Variants in PDGFC observed in about 807,000 individuals in gnomAD.
The protein encoded by PDGFC is platelet-derived growth factor C.
A neutral mutation model predicts 35.5 loss-of-function variants in PDGFC; 12 were observed. That is an observed-to-expected ratio of 0.34 (90% CI 0.22 to 0.55). The LOEUF (loss-of-function observed/expected upper bound fraction) is 0.55. PDGFC is among the 20% of genes least tolerant of loss of function. The pLI is 0.91. For missense variants in PDGFC, 322 were observed against 412.4 expected (o/e 0.78, Z 1.90); for synonymous variants, 159 against 148.8 (o/e 1.07, Z -0.50).
At chr4:156,835,633 A>T (rs1729044882) in intron 2 of PDGFC, among the ~76,000 whole-genome samples, 1 of 152,172 alleles carries the variant, frequency 6.6e-6, no homozygotes, top group Non-Finnish European at 1.5e-5. Context: ...ACCCAATCCC[A>T]TTATATTTTA....
chr4:156,897,237 TTTTC>T (rs769857354), intron 1 of PDGFC, among the ~76,000 whole-genome samples: 4 of 152,058 alleles, frequency 2.6e-5, no homozygotes, highest in Non-Finnish European at 5.9e-5. Flanking sequence ...TAAAGTTGGG[TTTTC>T]TTTAATAATT....
chr4:156,823,970 C>A (rs528673645), intron 2 of PDGFC, among the ~76,000 whole-genome samples: 1 of 151,808 alleles, frequency 6.6e-6, no homozygotes, highest in Admixed American at 6.6e-5. Flanking sequence ...GTGCAATAAG[C>A]CAGCCACAGA....
At chr4:156,843,297 C>T (rs1035243905) in intron 2 of PDGFC, among the ~76,000 whole-genome samples, 1 of 152,142 alleles carries the variant, frequency 6.6e-6, no homozygotes, top group South Asian at 2.1e-4. Flanking sequence ...TCTGCTGGTG[C>T]CTTGATCTTG....
chr4:156,957,898 T>A (rs1165333500), intron 1 of PDGFC, among the ~76,000 whole-genome samples: 2 of 151,954 alleles, frequency 1.3e-5, no homozygotes, highest in Non-Finnish European at 2.9e-5. Context: ...TTACTGCGCA[T>A]ATCTACTCAC....
chr4:156,883,628 T>C (rs1267819907), intron 1 of PDGFC, among the ~76,000 whole-genome samples: 2 of 152,218 alleles, frequency 1.3e-5, no homozygotes, highest in Admixed American at 1.3e-4. Flanking sequence ...CCAGTGACCA[T>C]TTACTACTAT....
chr4:156,826,195 T>A (rs893269960), intron 2 of PDGFC, among the ~76,000 whole-genome samples: 2 of 122,194 alleles, frequency 1.6e-5, no homozygotes, highest in Non-Finnish European at 3.4e-5. Context: ...TTTTTTTTTT[T>A]TTTTTTTTTT....
chr4:156,889,193 C>T (rs1460178318), intron 1 of PDGFC, among the ~76,000 whole-genome samples: 2 of 152,172 alleles, frequency 1.3e-5, no homozygotes, highest in East Asian at 3.8e-4. Context: ...TAACACTATG[C>T]ACATTATTAT....
intron 5 of PDGFC, among the ~76,000 whole-genome samples, chr4:156,766,141 C>A (rs1054119164): frequency 1.3e-5 from 2 of 152,058 alleles, no homozygotes; most frequent in Non-Finnish European, 2.9e-5. Flanking sequence ...GAAAAATAGA[C>A]AATAATTTTG....
At chr4:156,926,891 AC>A (rs965979848) in intron 1 of PDGFC, among the ~76,000 whole-genome samples, 1 of 151,956 alleles carries the variant, frequency 6.6e-6, no homozygotes, top group Admixed American at 6.6e-5. Flanking sequence ...GGGGGCTCTG[AC>A]CCCACATTTC....
chr4:156,774,793 A>C (rs2110824836), intron 3 of PDGFC, among the ~76,000 whole-genome samples: 1 of 152,002 alleles, frequency 6.6e-6, no homozygotes. Context: ...GTACTTTCCA[A>C]GTCTCCACTC....
intron 2 of PDGFC, among the ~76,000 whole-genome samples, chr4:156,818,940 G>A (rs1579029893): frequency 2.0e-5 from 3 of 152,136 alleles, no homozygotes; most frequent in Admixed American, 2.0e-4. Context: ...AGAGGGAGAG[G>A]ACCTTGCCAC....
In PDGFC at chr4:156,767,799, T is replaced by C. The variant is rs1430978881; in HGVS notation, c.895A>G (p.Ser299Gly). Residue 299 changes from serine (S) to glycine (G), a missense_variant, in exon 5 of 6, where the codon AGC becomes GGC. Coordinates refer to ENST00000502773, the MANE Select transcript of PDGFC (RefSeq NM_016205.3). ...TCGTGGTATTTTTTAGTAACTTTGC[T>C]TGGGACACATTGACATTCATTGCAA... ...HNCNECQCVPSKVTKKYHEVL... is the reference protein window; with the variant it reads ...HNCNECQCVPGKVTKKYHEVL... The C allele has an allele frequency of 6.2e-7, 1 of 1,612,802 alleles. No individual in the cohort carries two copies. Among genetic ancestry groups the C allele is most frequent in the Non-Finnish European group, 8.5e-7 (1 of 1,178,932 alleles).
At chr4:156,916,232 T>C (rs940622718) in intron 1 of PDGFC, among the ~76,000 whole-genome samples, 1 of 152,192 alleles carries the variant, frequency 6.6e-6, no homozygotes, top group Non-Finnish European at 1.5e-5. Flanking sequence ...GTCTAACAGT[T>C]AGACCCTGTT....
intron 4 of PDGFC, among the ~76,000 whole-genome samples, chr4:156,771,428 T>A (rs1224750288): frequency 6.6e-6 from 1 of 152,126 alleles, no homozygotes; most frequent in Admixed American, 6.6e-5. Flanking sequence ...TGTTCCTAAG[T>A]GGGAGGGAAG....
chr4:156,871,231 T>C (rs745307325), intron 1 of PDGFC, among the ~76,000 whole-genome samples: 8 of 152,108 alleles, frequency 5.3e-5, no homozygotes, highest in Non-Finnish European at 1.0e-4. Flanking sequence ...ATATTAGCAC[T>C]AAAACAGAAA....
chr4:156,949,812 A>T (rs1449596669), intron 1 of PDGFC, among the ~76,000 whole-genome samples: 1 of 151,924 alleles, frequency 6.6e-6, no homozygotes, highest in Non-Finnish European at 1.5e-5. Flanking sequence ...CCCTTCCCCT[A>T]CGTCCCCTTG....
intron 3 of PDGFC, among the ~76,000 whole-genome samples, chr4:156,806,814 C>G (rs1383977959): frequency 6.6e-6 from 1 of 151,978 alleles, no homozygotes; most frequent in African/African-American, 2.4e-5. Context: ...GCTTATGCTA[C>G]AGTACACAGA....
intron 1 of PDGFC, among the ~76,000 whole-genome samples, chr4:156,913,837 A>T (rs1479605936): frequency 6.6e-6 from 1 of 152,118 alleles, no homozygotes; most frequent in Admixed American, 6.5e-5. Flanking sequence ...CCTCTCTCCC[A>T]AACCTCTCAC....
chr4:156,948,390 C>G (rs942123187), intron 1 of PDGFC, among the ~76,000 whole-genome samples: 1 of 151,860 alleles, frequency 6.6e-6, no homozygotes, highest in Non-Finnish European at 1.5e-5. Context: ...CTGCTGCGGC[C>G]GCTTTGACTA....
Sources: allele counts gnomAD v4.1 joint callset (sites outside exome capture counted in the v4.1 genomes callset), GRCh38; gene constraint gnomAD v4.1.1; transcripts MANE v1.5; gene names NCBI Gene and HGNC (gene_info 2026-07-23, HGNC 2026-07-21).